The following NAV3 variants were observed in gnomAD, a reference collection of about 807,000 sequenced individuals.
The protein encoded by NAV3 is neuron navigator 3, also known as pore membrane and/or filament interacting like protein 1.
Under a neutral mutation model 244.7 loss-of-function variants are expected in NAV3, and 87 were observed. The observed-to-expected ratio is 0.36, with a 90% CI of 0.30 to 0.42. NAV3 has a LOEUF of 0.42. Among genes scored for constraint, NAV3 ranks in the 20% least tolerant of loss-of-function variants. The probability of loss-of-function intolerance (pLI) is 1.00; values close to 1 mark genes in which losing one functional copy is unlikely to be tolerated. For synonymous variants in NAV3, 1,126 were observed against 1,042.2 expected (o/e 1.08, Z -1.55); for missense variants, 2,663 against 2,893.3 (o/e 0.92, Z 1.83).
chr12:77,734,526 T>C (rs930563945), intron 2 of NAV3, among the ~76,000 whole-genome samples: 4 of 152,150 alleles, frequency 2.6e-5, no homozygotes, highest in African/African-American at 9.7e-5. Context: ...GTTAGACAAA[T>C]CACAACAACT....
At chr12:77,718,864 C>A (rs1016141194) in intron 2 of NAV3, among the ~76,000 whole-genome samples, 5 of 151,974 alleles carry the variant, frequency 3.3e-5, no homozygotes, top group Non-Finnish European at 7.4e-5. Context: ...GCATGTTGGT[C>A]AGGTGGTCTC....
In NAV3 at chr12:78,119,142, T is replaced by C. The variant is rs567100241; in HGVS notation, c.3041-95T>C. ...ACAATACATTTAGGAAGGGAAATAA[T>C]ATAAAGAAGCATTCACATTTTACAC... On this transcript the variant is annotated intron_variant, in intron 14 of 39. Coordinates refer to ENST00000397909, the MANE Select transcript of NAV3 (RefSeq NM_001024383.2). The C allele has an allele frequency of 9.2e-5, 109 of 1,179,568 alleles. No individual in the cohort carries two copies. In the East Asian group the frequency reaches 2.5e-3, roughly 27 times the overall value. The allele number at this position is 1,179,568 out of a possible 1,614,324, so 73.1% of individuals were successfully genotyped here. A position where few individuals can be genotyped will look rare whatever the true frequency, so the allele number is the denominator to read the frequency against.
intron 12 of NAV3, among the ~76,000 whole-genome samples, chr12:78,069,920 T>C (rs1952669653): frequency 6.6e-6 from 1 of 152,052 alleles, no homozygotes. Context: ...TTGTAAACTA[T>C]CAGGAATTAT....
intron 16 of NAV3, among the ~76,000 whole-genome samples, chr12:78,123,954 T>C (rs1410431987): frequency 6.6e-6 from 1 of 152,214 alleles, no homozygotes; most frequent in Non-Finnish European, 1.5e-5. Flanking sequence ...ATGAATTATA[T>C]TAAAATAGAT....
chr12:77,859,821 C>T (rs1289583386), intron 1 of NAV3, among the ~76,000 whole-genome samples: 1 of 131,366 alleles, frequency 7.6e-6, no homozygotes, highest in Non-Finnish European at 1.6e-5. Flanking sequence ...TTCTAATTTT[C>T]AAGAAATTAT....
intron 22 of NAV3, among the ~76,000 whole-genome samples, chr12:78,153,381 T>C (rs1213650918): frequency 6.6e-6 from 1 of 152,064 alleles, no homozygotes; most frequent in African/African-American, 2.4e-5. Context: ...TTAAGCTGAT[T>C]CTACTAGCAT....
Position 78,108,172 on chromosome 12 carries a change from A to G in NAV3, c.2637-8600A>G, listed in dbSNP as rs144196992. Among the ~76,000 whole-genome samples the G allele has an allele frequency of 4.3e-4, 65 of 152,294 alleles. 2 individuals are homozygous for G. The highest frequency in any genetic ancestry group is 1.4e-3 in the African/African-American group (57 of 41,590). On this transcript the variant is annotated intron_variant, in intron 12 of 39. Transcript: ENST00000397909. The stretch of plus-strand genomic sequence containing the variant: ...GGAGTAGCTATACTTAAATTAGATC[A>G]TACAGACTTTAAGTCAAAAAGAGTA...
chr12:78,116,287 C>T (rs1319213076), intron 12 of NAV3, among the ~76,000 whole-genome samples: 1 of 152,058 alleles, frequency 6.6e-6, no homozygotes, highest in Non-Finnish European at 1.5e-5. Context: ...AATAATGAGA[C>T]TCATGCAATA....
intron 2 of NAV3, among the ~76,000 whole-genome samples, chr12:77,589,239 A>C (rs1351418063): frequency 1.3e-5 from 2 of 152,162 alleles, no homozygotes; most frequent in Non-Finnish European, 2.9e-5. Context: ...TTGTTCAGTG[A>C]GTTAATCACA....
chr12:77,636,464 CA>C (rs372405959), intron 2 of NAV3, among the ~76,000 whole-genome samples: 17,231 of 76,756 alleles, frequency 0.22, 1,920 homozygotes, highest in African/African-American at 0.45. Context: ...GACACCGTCT[CA>C]AAAAAAAAAA....
At chr12:77,662,857 A>C (rs1873528114) in intron 2 of NAV3, among the ~76,000 whole-genome samples, 1 of 152,148 alleles carries the variant, frequency 6.6e-6, no homozygotes, top group African/African-American at 2.4e-5. Context: ...ATCCAAGAGC[A>C]TGTTGATGAT....
At chr12:77,584,801 T>TA (rs887611028) in intron 2 of NAV3, among the ~76,000 whole-genome samples, 17 of 152,324 alleles carry the variant, frequency 1.1e-4, no homozygotes, top group African/African-American at 4.1e-4. Context: ...ATGGCTTGTA[T>TA]AAAAAATTAA....
chr12:77,753,513 A>C (rs1474698277), intron 2 of NAV3, among the ~76,000 whole-genome samples: 1 of 152,174 alleles, frequency 6.6e-6, no homozygotes, highest in Non-Finnish European at 1.5e-5. Flanking sequence ...TTCTATCTCC[A>C]TCTCTCTTCT....
rs533872061 is a variant in NAV3 at position 77,865,610 on chromosome 12, A to G, written c.243+33906A>G. 2.6e-5 allele frequency among the ~76,000 whole-genome samples: 4 copies of G among 152,200 alleles called. No individual in the cohort carries two copies. The East Asian group carries it at 7.7e-4, about 29-fold the overall frequency. Reference sequence around the variant, plus strand: ...TTTCTACTTATTATAATTTAAGACAATATTGTTAAGAATAATATTTAGGGT... The same window carrying G: ...TTTCTACTTATTATAATTTAAGACAGTATTGTTAAGAATAATATTTAGGGT... On this transcript the variant is annotated intron_variant, in intron 1 of 39. Transcript: ENST00000397909.
At position 78,036,640 on chromosome 12, in the gene NAV3, C is replaced by G. The variant is rs1053272873; in HGVS notation, c.2024-13353C>G. 7 of 425,286 alleles carry G rather than the reference C, an allele frequency of 1.6e-5. No homozygotes were observed. The Admixed American group carries it at 2.6e-4, about 16-fold the overall frequency. 26.3% of individuals were successfully genotyped at this position (425,286 alleles called of 1,614,324 possible). ...AACTCTTTTCTGCTTCAGATATATT[C>G]GAGCAAAATATTTGTAAGTACTGCT... On this transcript the variant is annotated intron_variant, in intron 9 of 39. Transcript: ENST00000397909.
intron 8 of NAV3, among the ~76,000 whole-genome samples, chr12:78,013,616 TTATG>T (rs1421750564): frequency 6.6e-6 from 1 of 152,096 alleles, no homozygotes; most frequent in African/African-American, 2.4e-5. Flanking sequence ...AACTTGGACT[TTATG>T]TATGTATATG....
intron 12 of NAV3, among the ~76,000 whole-genome samples, chr12:78,071,352 T>G (rs544196577): frequency 4.6e-5 from 7 of 152,270 alleles, no homozygotes; most frequent in African/African-American, 9.6e-5. Flanking sequence ...AAATGTCTTC[T>G]TTTGAGAAGT....
intron 2 of NAV3, among the ~76,000 whole-genome samples, chr12:77,727,917 G>T (rs1760578452): frequency 6.6e-6 from 1 of 151,814 alleles, no homozygotes; most frequent in South Asian, 2.1e-4. Context: ...TCATCCTAAT[G>T]AAGTCTGCCA....
chr12:77,892,167 A>C (rs1439800767), intron 1 of NAV3, among the ~76,000 whole-genome samples: 1 of 152,216 alleles, frequency 6.6e-6, no homozygotes, highest in Non-Finnish European at 1.5e-5. Flanking sequence ...GCACTCATAA[A>C]TTTATTAATT....
Sources: allele counts gnomAD v4.1 joint callset (sites outside exome capture counted in the v4.1 genomes callset), GRCh38; gene constraint gnomAD v4.1.1; transcripts MANE v1.5; gene names NCBI Gene and HGNC (gene_info 2026-07-23, HGNC 2026-07-21).